The following NFIC variants were observed in gnomAD, a reference collection of about 807,000 sequenced individuals.
The protein encoded by NFIC is nuclear factor I C.
A neutral mutation model predicts 54.4 loss-of-function variants in NFIC; 12 were observed. That is an observed-to-expected ratio of 0.22 (90% CI 0.14 to 0.36). The LOEUF (loss-of-function observed/expected upper bound fraction) is 0.36. NFIC is among the 10% of genes least tolerant of loss of function. The pLI is 1.00. For missense variants in NFIC, 575 were observed against 718.2 expected, an observed-to-expected ratio of 0.80 and a Z score of 2.28; for synonymous variants, 322 against 319.2, an observed-to-expected ratio of 1.01 and a Z score of -0.09.
intron 4 of NFIC, among the ~76,000 whole-genome samples, chr19:3,434,007 CCTGA>C (rs2082160478): frequency 6.6e-6 from 1 of 152,142 alleles, no homozygotes; most frequent in South Asian, 2.1e-4. Flanking sequence ...CTTCTTTAGC[CCTGA>C]CTGACACCTT....
At chr19:3,408,010 C>T (rs1015913019) in intron 2 of NFIC, among the ~76,000 whole-genome samples, 1 of 152,176 alleles carries the variant, frequency 6.6e-6, no homozygotes, top group Non-Finnish European at 1.5e-5. Flanking sequence ...GCCGGTGACA[C>T]CCAGTAGCTG....
intron 3 of NFIC, among the ~76,000 whole-genome samples, chr19:3,429,373 G>A (rs776491941): frequency 2.0e-5 from 3 of 151,644 alleles, no homozygotes; most frequent in Non-Finnish European, 2.9e-5. Context: ...GAGCCCAGGA[G>A]TTTGAGACCA....
rs1385883725 is a variant in NFIC, at chr19:3,375,017, G to A, written c.31-6695G>A. Among the ~76,000 whole-genome samples, 1 of 151,970 alleles carries A rather than the reference G, an allele frequency of 6.6e-6. No individual in the cohort carries two copies. Among genetic ancestry groups the A allele is most frequent in the South Asian group, 2.1e-4 (1 of 4,816 alleles). The stretch of plus-strand genomic sequence containing the variant: ...CCGGAAAGGGCACAGAGAAGGGGAG[G>A]AACATAGAGAAGGGAGGGACAGTTA... On this transcript the variant is annotated intron_variant, in intron 1 of 10. Coordinates refer to ENST00000443272, the MANE Select transcript of NFIC (RefSeq NM_001245002.2). The surrounding 1 kb of genome is among the most constrained non-coding windows in gnomAD (Gnocchi z 4.6).
In NFIC at chr19:3,454,722, C is replaced by T. The variant is rs193277304; in HGVS notation, c.1423+806C>T. On this transcript the variant is annotated intron_variant, in intron 9 of 10. Coordinates refer to ENST00000443272, the MANE Select transcript of NFIC (RefSeq NM_001245002.2). ...CCCCATGGACTCCATCTGCCCCTCA[C>T]CCCCCTTTTTGAGCATCTCTGTCCC... is the stretch of plus-strand genomic sequence containing the variant. 7.9e-5 allele frequency among the ~76,000 whole-genome samples: 12 copies of T among 151,108 alleles called. No individual in the cohort carries two copies. The East Asian group carries it at 2.4e-3, about 30-fold the overall frequency.
intron 2 of NFIC, among the ~76,000 whole-genome samples, chr19:3,405,186 C>T (rs775549424): frequency 3.3e-5 from 5 of 152,232 alleles, no homozygotes; most frequent in Non-Finnish European, 7.3e-5. Context: ...ATGGGCCAGA[C>T]TTAAGGAACG....
chr19:3,464,142 G>C lies in NFIC; in HGVS notation c.*1373G>C, dbSNP rs1047371459. ...ACCCCCCTCCCTGGTGCCTCCCAGC[G>C]AAGGGGGACCGCCGTTTGCACTTTC... is the stretch of plus-strand genomic sequence containing the variant. On this transcript the variant is annotated 3_prime_UTR_variant, in exon 11 of 11. Transcript: ENST00000443272. 6.1e-6 allele frequency: 6 copies of C among 985,362 alleles called. No homozygotes were observed. Among genetic ancestry groups the C allele is most frequent in the Non-Finnish European group, 7.2e-6 (6 of 829,912 alleles). The allele number at this position is 985,362 out of a possible 1,614,324, so 61.0% of individuals were successfully genotyped here. A position where few individuals can be genotyped will look rare whatever the true frequency, so the allele number is the denominator to read the frequency against.
At chr19:3,401,207 A>C (rs1223138389) in intron 2 of NFIC, among the ~76,000 whole-genome samples, 1 of 152,102 alleles carries the variant, frequency 6.6e-6, no homozygotes, top group Admixed American at 6.6e-5. Context: ...AGTAGGAAGG[A>C]CTTGGGCTTT....
intron 3 of NFIC, among the ~76,000 whole-genome samples, chr19:3,430,888 C>T (rs1047917921): frequency 2.7e-5 from 4 of 147,006 alleles, no homozygotes; most frequent in Non-Finnish European, 4.5e-5. Flanking sequence ...GCCAAGATTG[C>T]GCCACTGCAC....
At chr19:3,373,020 T>G (rs2081048956) in intron 1 of NFIC, among the ~76,000 whole-genome samples, 2 of 151,984 alleles carry the variant, frequency 1.3e-5, no homozygotes, top group African/African-American at 4.8e-5. Flanking sequence ...AATTTTGGTG[T>G]TTTTAGTAGA....
chr19:3,406,914 G>A (rs1160422549), intron 2 of NFIC, among the ~76,000 whole-genome samples: 6 of 151,958 alleles, frequency 3.9e-5, no homozygotes, highest in African/African-American at 4.8e-5. Flanking sequence ...TGCACAGCCC[G>A]TGCAAAGGCC....
At chr19:3,403,091 T>C (rs2081582594) in intron 2 of NFIC, among the ~76,000 whole-genome samples, 1 of 152,244 alleles carries the variant, frequency 6.6e-6, no homozygotes, top group Non-Finnish European at 1.5e-5. Flanking sequence ...GGGTGCCTAC[T>C]GTGTGCCAGG....
At chr19:3,437,014 G>T (rs529709603) in intron 6 of NFIC, among the ~76,000 whole-genome samples, 1 of 152,074 alleles carries the variant, frequency 6.6e-6, no homozygotes, top group African/African-American at 2.4e-5. Context: ...TGAAGCAACC[G>T]TCTGGCCCAT....
chr19:3,457,404 G>A (rs1025575990), intron 10 of NFIC, among the ~76,000 whole-genome samples: 5 of 152,188 alleles, frequency 3.3e-5, no homozygotes, highest in South Asian at 2.1e-4. Context: ...GAGTGGGGGC[G>A]TGGGAGGGCA....
intron 3 of NFIC, 110 bp from the exon 4 acceptor site, chr19:3,433,408 G>T: frequency 9.0e-7 from 1 of 1,109,530 alleles, no homozygotes; most frequent in East Asian, 2.5e-5. Context: ...GGATGGACAG[G>T]GGGAACGTCC....
At chr19:3,437,924 A>C (rs572679791) in intron 6 of NFIC, among the ~76,000 whole-genome samples, 6 of 151,988 alleles carry the variant, frequency 3.9e-5, no homozygotes, top group Non-Finnish European at 8.8e-5. Flanking sequence ...GTGATCCGCC[A>C]ACCTCAAGTG....
intron 6 of NFIC, among the ~76,000 whole-genome samples, chr19:3,443,304 C>A (rs2082321087): frequency 6.6e-6 from 1 of 151,922 alleles, no homozygotes; most frequent in Admixed American, 6.6e-5. Flanking sequence ...TGCCTGTAGT[C>A]CCAGCTACTC....
chr19:3,373,630 G>C, intron 1 of NFIC, among the ~76,000 whole-genome samples: 1 of 91,400 alleles, frequency 1.1e-5, no homozygotes, highest in Non-Finnish European at 2.1e-5. Flanking sequence ...CCCCCCCCAA[G>C]CTAAAAAACA....
chr19:3,378,104 G>C (rs2081139340), intron 1 of NFIC, among the ~76,000 whole-genome samples: 1 of 151,858 alleles, frequency 6.6e-6, no homozygotes, highest in South Asian at 2.1e-4. Flanking sequence ...AATTAGCTGG[G>C]CATGATAGTG....
In NFIC at chr19:3,369,396, C is replaced by A. The variant is rs147983561; in HGVS notation, c.30+2730C>A. Among the ~76,000 whole-genome samples, 100 of 152,326 alleles carry A rather than the reference C, an allele frequency of 6.6e-4. No individual in the cohort carries two copies. Among genetic ancestry groups the A allele is most frequent in the African/African-American group, 2.4e-3 (98 of 41,572 alleles). The stretch of plus-strand genomic sequence containing the variant: ...CTTACTCCTCTCTCTCTGTCTCTCT[C>A]TGTCTCTGGGCCTCCCTCTCCCCCT... On this transcript the variant is annotated intron_variant, in intron 1 of 10. Transcript: ENST00000443272. This position sits in a 1 kb window ranked among gnomAD's most constrained non-coding sequence, Gnocchi z 4.3.
Sources: gnomAD v4.1 joint callset for allele counts (sites outside exome capture counted in the v4.1 genomes callset) on GRCh38, gnomAD v4.1.1 for gene constraint, Gnocchi (gnomAD v3.1) non-coding constraint, MANE v1.5 for transcripts, NCBI Gene and HGNC (gene_info 2026-07-23, HGNC 2026-07-21) for gene names.